The following PALLD variants were observed in gnomAD, a reference collection of about 807,000 sequenced individuals.
PALLD encodes palladin.
A neutral mutation model predicts 123.5 loss-of-function variants in PALLD; 61 were observed. The observed-to-expected ratio is 0.49, with a 90% CI of 0.40 to 0.61. The LOEUF (loss-of-function observed/expected upper bound fraction) is 0.61, where lower values mean the gene tolerates loss of function less well. PALLD is among the 20% of genes least tolerant of loss of function. The pLI is 0.00. For synonymous variants in PALLD, 465 were observed against 496.4 expected, an observed-to-expected ratio of 0.94 and a Z score of 0.84; for missense variants, 1,273 against 1,377.0, an observed-to-expected ratio of 0.92 and a Z score of 1.20.
rs1302010200 is a variant in PALLD at position 168,511,697 on chromosome 4, T to G, written c.193T>G (p.Ser65Ala). Residue 65 changes from serine (S) to alanine (A), a missense_variant, in exon 2 of 22, where the codon TCG becomes GCG. Ser to Ala is a moderately conservative substitution (Grantham distance 99, BLOSUM62 1). Transcript: ENST00000505667. ...AGATTTTGACTCGGAAAAGGAGATCTCGCAGATTTTCAGTACTTCTCCTGC... is the reference window on the plus strand; with the variant it reads ...AGATTTTGACTCGGAAAAGGAGATCGCGCAGATTTTCAGTACTTCTCCTGC... Reference protein sequence around the residue: ...TEDFDSEKEISQIFSTSPASL... With the variant: ...TEDFDSEKEIAQIFSTSPASL... 2 of 1,614,060 alleles carry G rather than the reference T, an allele frequency of 1.2e-6. No individual in the cohort carries two copies. The highest frequency in any genetic ancestry group is 1.7e-6 in the Non-Finnish European group (2 of 1,180,044).
chr4:168,680,690 C>G (rs779125177), intron 3 of PALLD, among the ~76,000 whole-genome samples: 1 of 152,062 alleles, frequency 6.6e-6, no homozygotes, highest in South Asian at 2.1e-4. Flanking sequence ...ATCTTGGAAA[C>G]ATTAAGAATA....
chr4:168,658,112 T>G (rs1778763668), intron 2 of PALLD, among the ~76,000 whole-genome samples: 1 of 152,182 alleles, frequency 6.6e-6, no homozygotes, highest in Non-Finnish European at 1.5e-5. Context: ...ATGAGGCTGC[T>G]TCATCAGAAC....
At chr4:168,776,410 A>G (rs1449117029) in intron 10 of PALLD, among the ~76,000 whole-genome samples, 2 of 152,212 alleles carry the variant, frequency 1.3e-5, no homozygotes, top group African/African-American at 4.8e-5. Context: ...ATTTTTATAG[A>G]TTCCATTGGA....
chr4:168,847,469 A>G (rs1747038872), intron 10 of PALLD, among the ~76,000 whole-genome samples: 1 of 152,202 alleles, frequency 6.6e-6, no homozygotes, highest in Admixed American at 6.5e-5. Flanking sequence ...GCTTCATCCA[A>G]CTTTTGTGAA....
intron 10 of PALLD, among the ~76,000 whole-genome samples, chr4:168,806,346 G>A (rs375888406): frequency 7.9e-5 from 12 of 152,152 alleles, no homozygotes; most frequent in Admixed American, 5.2e-4. Context: ...TTACTGGTGT[G>A]AGCCAGTGAG....
intron 2 of PALLD, among the ~76,000 whole-genome samples, chr4:168,663,425 C>G (rs756780690): frequency 6.6e-6 from 1 of 152,120 alleles, no homozygotes; most frequent in Non-Finnish European, 1.5e-5. Flanking sequence ...CCAGTGGGTT[C>G]TCAAGCACAG....
At chr4:168,730,653 G>A (rs533016675) in intron 10 of PALLD, among the ~76,000 whole-genome samples, 1 of 152,216 alleles carries the variant, frequency 6.6e-6, no homozygotes, top group East Asian at 1.9e-4. Context: ...AGACCCCCAA[G>A]TGCCAATATC....
chr4:168,552,578 A>C (rs1320149878), intron 2 of PALLD, among the ~76,000 whole-genome samples: 1 of 152,224 alleles, frequency 6.6e-6, no homozygotes, highest in Non-Finnish European at 1.5e-5. Flanking sequence ...ATACAGGAAG[A>C]AAGCTGTGGA....
chr4:168,633,291 C>T (rs1580681066), intron 2 of PALLD, among the ~76,000 whole-genome samples: 1 of 152,190 alleles, frequency 6.6e-6, no homozygotes, highest in Non-Finnish European at 1.5e-5. Flanking sequence ...AAGACTCTTA[C>T]ATTTCCCCCC....
At chr4:168,650,819 C>A (rs1777965475) in intron 2 of PALLD, among the ~76,000 whole-genome samples, 2 of 151,914 alleles carry the variant, frequency 1.3e-5, no homozygotes, top group Admixed American at 1.3e-4. Flanking sequence ...ACCCTCTTGC[C>A]CTATGCATAT....
At chr4:168,598,383 T>G in intron 2 of PALLD, 1 of 617,758 alleles carries the variant, frequency 1.6e-6, no homozygotes, top group Non-Finnish European at 3.1e-6. Context: ...CTGAGACTTG[T>G]TAAGCTGTCA....
At chr4:168,772,051 C>T (rs1341526159) in intron 10 of PALLD, among the ~76,000 whole-genome samples, 1 of 152,156 alleles carries the variant, frequency 6.6e-6, no homozygotes, top group East Asian at 1.9e-4. Flanking sequence ...ACACACAGAA[C>T]CTTTTCTACT....
intron 15 of PALLD, 67 bp from the exon 16 acceptor site, chr4:168,913,860 G>A: frequency 2.0e-6 from 2 of 1,008,902 alleles, no homozygotes; most frequent in Admixed American, 1.7e-5. Flanking sequence ...TAGGACAGTA[G>A]GCATGATAGT....
At chr4:168,555,415 G>A (rs1286274620) in intron 2 of PALLD, among the ~76,000 whole-genome samples, 1 of 152,120 alleles carries the variant, frequency 6.6e-6, no homozygotes, top group Admixed American at 6.5e-5. Flanking sequence ...TGGGGAGAGG[G>A]GTAATTTGCT....
In PALLD at chr4:168,759,218, TATATATATATATATATATATATATATAG is replaced by T. The variant is rs1561490747; in HGVS notation, c.1964+47297_1964+47324del. ...AAAAAAAAAAATATATATATATATA[TATATATATATATATATATATATATATAG>T]AAACAATATATGCTCCATTATACTG... On this transcript the variant is annotated intron_variant, in intron 10 of 21. Coordinates refer to ENST00000505667, the MANE Select transcript of PALLD (RefSeq NM_001166108.2). 5.3e-4 allele frequency among the ~76,000 whole-genome samples: 14 copies of T among 26,564 alleles called. 1 individual carries two copies. Among genetic ancestry groups the T allele is most frequent in the African/African-American group, 2.1e-3 (13 of 6,082 alleles). 17.4% of individuals were successfully genotyped at this position (26,564 alleles called of 152,430 possible). A position where few individuals can be genotyped will look rare whatever the true frequency, so the allele number is the denominator to read the frequency against.
chr4:168,653,693 CTTGT>C (rs201907919), intron 2 of PALLD, among the ~76,000 whole-genome samples: 3,248 of 152,182 alleles, frequency 0.021, 83 homozygotes, highest in South Asian at 0.076. Context: ...TTATCGTTTG[CTTGT>C]TTGTTTGTTT....
At chr4:168,556,579 C>G (rs1052911417) in intron 2 of PALLD, among the ~76,000 whole-genome samples, 6 of 152,190 alleles carry the variant, frequency 3.9e-5, no homozygotes, top group African/African-American at 1.4e-4. Flanking sequence ...CTCTTGGTAG[C>G]CTGCCTTTTA....
rs574601472 is a variant in PALLD, at chr4:168,545,314, G to A, written c.908+32902G>A. ...GGGTGAGGCAGGCGGATTACCTGAG[G>A]TCAGGAGTTCAAGACCAGCCTGGCC... On this transcript the variant is annotated intron_variant, in intron 2 of 21. Coordinates refer to ENST00000505667, the MANE Select transcript of PALLD (RefSeq NM_001166108.2). 8.5e-5 allele frequency among the ~76,000 whole-genome samples: 13 copies of A among 152,118 alleles called. No individual in the cohort carries two copies. The East Asian group carries it at 2.1e-3, about 25-fold the overall frequency.
chr4:168,687,783 T>TC (rs757413740), intron 6 of PALLD, among the ~76,000 whole-genome samples: 2 of 152,142 alleles, frequency 1.3e-5, no homozygotes, highest in African/African-American at 2.4e-5. Flanking sequence ...CTTTCCCCCT[T>TC]CCCCAAAAGA....
Sources: allele counts gnomAD v4.1 joint callset (sites outside exome capture counted in the v4.1 genomes callset), GRCh38; gene constraint gnomAD v4.1.1; transcripts MANE v1.5; gene names NCBI Gene and HGNC (gene_info 2026-07-23, HGNC 2026-07-21).